RIMBP2: variants seen among roughly 807,000 people sequenced by gnomAD.
The protein encoded by RIMBP2 is RIMS-binding protein 2.
RIMBP2 carries 48 observed loss-of-function variants against 118.6 expected under a neutral mutation model. The observed-to-expected ratio is 0.40, with a 90% CI of 0.32 to 0.51. RIMBP2 has a LOEUF of 0.51. RIMBP2 is among the 20% of genes least tolerant of loss of function. The pLI is 0.41. For missense variants in RIMBP2, 1,551 were observed against 1,768.3 expected (o/e 0.88, Z 2.20); for synonymous variants, 762 against 742.9 (o/e 1.03, Z -0.42).
intron 2 of RIMBP2, among the ~76,000 whole-genome samples, chr12:130,526,010 C>T (rs550815051): frequency 1.3e-5 from 2 of 152,188 alleles, no homozygotes; most frequent in South Asian, 4.1e-4. Context: ...CAATTTGCCT[C>T]TTATTCTCCT....
At chr12:130,551,143 A>C (rs2055739185) in intron 2 of RIMBP2, among the ~76,000 whole-genome samples, 1 of 152,226 alleles carries the variant, frequency 6.6e-6, no homozygotes, top group Non-Finnish European at 1.5e-5. Flanking sequence ...CAGAAGATTA[A>C]ATCAAGTGAA....
Position 130,591,575 on chromosome 12 carries a change from G to A in RIMBP2, c.-217+36747C>T, listed in dbSNP as rs1323424744. On this transcript the variant is annotated intron_variant, in intron 2 of 22. Coordinates refer to ENST00000690449, the MANE Select transcript of RIMBP2 (RefSeq NM_001393629.1). ...GGGCTGGGCTCCCTTGAGAGGCTCCGGGGAGGGGCGGGGGGGCTCCTTCCA... is the reference window on the plus strand; with the variant it reads ...GGGCTGGGCTCCCTTGAGAGGCTCCAGGGAGGGGCGGGGGGGCTCCTTCCA... Among the ~76,000 whole-genome samples the A allele has an allele frequency of 3.9e-5, 6 of 152,268 alleles. No individual in the cohort carries two copies. The East Asian group carries it at 5.8e-4, about 15-fold the overall frequency.
At chr12:130,666,941 G>A (rs2063944834) in intron 1 of RIMBP2, among the ~76,000 whole-genome samples, 2 of 138,250 alleles carry the variant, frequency 1.4e-5, no homozygotes, top group African/African-American at 2.8e-5. Flanking sequence ...AAGGAAAAAA[G>A]GGAGGGAGGA....
chr12:130,635,289 G>A (rs921259077), intron 1 of RIMBP2, among the ~76,000 whole-genome samples: 1 of 152,202 alleles, frequency 6.6e-6, no homozygotes, highest in East Asian at 1.9e-4. Context: ...CACTCCAGGA[G>A]GGGAGGGACC....
intron 2 of RIMBP2, among the ~76,000 whole-genome samples, chr12:130,533,307 A>G (rs1396942324): frequency 6.6e-6 from 1 of 152,216 alleles, no homozygotes. Context: ...ATACGAAAAA[A>G]TGCCCATCAT....
chr12:130,471,587 C>T (rs1052201031), intron 5 of RIMBP2, among the ~76,000 whole-genome samples: 41 of 152,190 alleles, frequency 2.7e-4, no homozygotes, highest in Non-Finnish European at 5.1e-4. Flanking sequence ...AGCCAATGCC[C>T]GTTGTCCCGT....
At chr12:130,687,413 G>T (rs78984129) in intron 1 of RIMBP2, among the ~76,000 whole-genome samples, 1 of 152,118 alleles carries the variant, frequency 6.6e-6, no homozygotes, top group African/African-American at 2.4e-5. Context: ...AGTCGCCCAC[G>T]CCCCCCAGCA....
intron 1 of RIMBP2, among the ~76,000 whole-genome samples, chr12:130,704,656 G>A (rs892523818): frequency 8.5e-5 from 13 of 152,074 alleles, no homozygotes; most frequent in African/African-American, 2.9e-4. Flanking sequence ...ATGGCACTCC[G>A]CATTTTCTAA....
At chr12:130,634,488 G>A (rs1404611485) in intron 1 of RIMBP2, among the ~76,000 whole-genome samples, 1 of 152,144 alleles carries the variant, frequency 6.6e-6, no homozygotes, top group Admixed American at 6.5e-5. Flanking sequence ...GTCTCTGACT[G>A]GGGGTCTTTG....
intron 2 of RIMBP2, among the ~76,000 whole-genome samples, chr12:130,551,116 C>T (rs1013571079): frequency 6.6e-6 from 1 of 152,198 alleles, no homozygotes; most frequent in Non-Finnish European, 1.5e-5. Flanking sequence ...AATAAAGATG[C>T]TACTTGACCT....
In RIMBP2 at chr12:130,604,727, G is replaced by GCAC. The variant is rs1168786429; in HGVS notation, c.-217+23592_-217+23594dup. 5.2e-5 allele frequency among the ~76,000 whole-genome samples: 2 copies of GCAC among 38,466 alleles called. 1 individual carries two copies. Among genetic ancestry groups the GCAC allele is most frequent in the African/African-American group, 1.5e-4 (2 of 13,730 alleles). The allele number at this position is 38,466 out of a possible 152,430, so 25.2% of individuals were successfully genotyped here. On this transcript the variant is annotated intron_variant, in intron 2 of 22. Transcript: ENST00000690449. ...GCCTCCCAAGTAGCTGGGACTACAGGCACCACCACCACGCCCGGCTAATTT... is the reference window on the plus strand; with the variant it reads ...GCCTCCCAAGTAGCTGGGACTACAGGCACCACCACCACCACGCCCGGCTAATTT...
chr12:130,465,347 C>T (rs1481501705), intron 6 of RIMBP2: 2 of 152,392 alleles, frequency 1.3e-5, no homozygotes, highest in Non-Finnish European at 2.9e-5. Flanking sequence ...GCGAGGGACT[C>T]CCATCAGGGT....
rs1011327262 is a variant in RIMBP2 at position 130,578,494 on chromosome 12, T to C, written c.-217+49828A>G. 2.6e-5 allele frequency among the ~76,000 whole-genome samples: 4 copies of C among 152,206 alleles called. No homozygotes were observed. Among genetic ancestry groups the C allele is most frequent in the African/African-American group, 7.2e-5 (3 of 41,460 alleles). On this transcript the variant is annotated intron_variant, in intron 2 of 22. Transcript: ENST00000690449. The surrounding 1 kb of genome is among the most constrained non-coding windows in gnomAD (Gnocchi z 4.1). ...GACTCTCCAGCTGCATCTTCAGCCATGCACAGACCTGTTCTCCTGGCCCCA... is the reference window on the plus strand; with the variant it reads ...GACTCTCCAGCTGCATCTTCAGCCACGCACAGACCTGTTCTCCTGGCCCCA...
chr12:130,602,561 G>A (rs1163026446), intron 2 of RIMBP2, among the ~76,000 whole-genome samples: 1 of 152,210 alleles, frequency 6.6e-6, no homozygotes, highest in Non-Finnish European at 1.5e-5. Flanking sequence ...CTGTAAGCGT[G>A]GGATGGCTCC....
intron 1 of RIMBP2, among the ~76,000 whole-genome samples, chr12:130,662,026 G>T (rs116023612): frequency 6.6e-6 from 1 of 152,182 alleles, no homozygotes; most frequent in Admixed American, 6.5e-5. Flanking sequence ...GGAGGGAATG[G>T]GGCTGCACTA....
At chr12:130,662,397 C>T (rs7954573) in intron 1 of RIMBP2, among the ~76,000 whole-genome samples, 2,387 of 152,228 alleles carry the variant, frequency 0.016, 61 homozygotes, top group African/African-American at 0.054. Flanking sequence ...GTGGCTCACG[C>T]CTGTAATCCT....
intron 21 of RIMBP2, among the ~76,000 whole-genome samples, chr12:130,402,660 C>T (rs771112267): frequency 6.6e-6 from 1 of 152,196 alleles, no homozygotes; most frequent in Non-Finnish European, 1.5e-5. Flanking sequence ...TGCGGCCAAA[C>T]AGTAACTACC....
At chr12:130,515,210 A>G (rs1235369021) in intron 3 of RIMBP2, among the ~76,000 whole-genome samples, 5 of 152,300 alleles carry the variant, frequency 3.3e-5, no homozygotes, top group Admixed American at 3.3e-4. Context: ...TTATGATAAA[A>G]TACACATTAC....
intron 2 of RIMBP2, among the ~76,000 whole-genome samples, chr12:130,600,778 C>A (rs1225800576): frequency 1.3e-5 from 2 of 152,206 alleles, no homozygotes; most frequent in African/African-American, 4.8e-5. Context: ...CAGAATGCTC[C>A]TGACTGAAAT....
Sources: allele counts gnomAD v4.1 joint callset (sites outside exome capture counted in the v4.1 genomes callset), GRCh38; gene constraint gnomAD v4.1.1; non-coding constraint Gnocchi (gnomAD v3.1); transcripts MANE v1.5; gene names NCBI Gene and HGNC (gene_info 2026-07-23, HGNC 2026-07-21).